Variants in SLC6A4 observed in about 807,000 individuals in gnomAD.
The protein encoded by SLC6A4 is solute carrier family 6 member 4.
Under a neutral mutation model 73.4 loss-of-function variants are expected in SLC6A4, and 22 were observed. The ratio of observed to expected loss-of-function variants is 0.30; its 90% CI spans 0.21 to 0.43. The LOEUF (loss-of-function observed/expected upper bound fraction) is 0.43. SLC6A4 is among the 20% of genes least tolerant of loss of function. The pLI is 1.00. For missense variants in SLC6A4, 593 were observed against 808.5 expected, an observed-to-expected ratio of 0.73 and a Z score of 3.23; for synonymous variants, 270 against 315.5, an observed-to-expected ratio of 0.86 and a Z score of 1.53.
intron 14 of SLC6A4, among the ~76,000 whole-genome samples, chr17:30,199,696 C>T (rs755107386): frequency 6.6e-6 from 1 of 151,988 alleles, no homozygotes; most frequent in Non-Finnish European, 1.5e-5. Context: ...ACTAGAAATC[C>T]GTTTAAAAAG....
chr17:30,220,158 G>A (rs1906701521), intron 3 of SLC6A4, among the ~76,000 whole-genome samples: 1 of 152,194 alleles, frequency 6.6e-6, no homozygotes, highest in African/African-American at 2.4e-5. Flanking sequence ...CTTTAAAAGA[G>A]AGTAAATCCA....
intron 8 of SLC6A4, among the ~76,000 whole-genome samples, chr17:30,215,158 T>C (rs927156078): frequency 1.3e-5 from 2 of 152,026 alleles, no homozygotes; most frequent in African/African-American, 2.4e-5. Context: ...TTCTCGTGCC[T>C]CAGCCTCCCA....
At chr17:30,212,109 A>G (rs1250430374) in intron 9 of SLC6A4, among the ~76,000 whole-genome samples, 1 of 152,150 alleles carries the variant, frequency 6.6e-6, no homozygotes, top group Non-Finnish European at 1.5e-5. Flanking sequence ...TTTTTCCACA[A>G]AAACTTCACG....
At position 30,221,872 on chromosome 17, in the gene SLC6A4, C is replaced by T; in HGVS notation, c.87G>A (p.Lys29=). ...EDCQENGVLQ[K]VVPTPGDKVE... is the part of the protein sequence containing the mutation. Reference sequence around the variant, plus strand: ...CTTTGTCCCCTGGGGTGGGAACAACCTTCTGTAGAACTCCGTTTTCCTGAC... The same window carrying T: ...CTTTGTCCCCTGGGGTGGGAACAACTTTCTGTAGAACTCCGTTTTCCTGAC... The change falls in exon 3 of 15, where the codon AAG becomes AAA. Residue 29 remains lysine, a synonymous_variant. Transcript: ENST00000650711. 1 of 1,614,180 alleles carries T rather than the reference C, an allele frequency of 6.2e-7. No individual in the cohort carries two copies. Among genetic ancestry groups the T allele is most frequent in the African/African-American group, 1.3e-5 (1 of 75,024 alleles).
At chr17:30,222,567 G>T (rs1377221481) in intron 2 of SLC6A4, among the ~76,000 whole-genome samples, 2 of 152,156 alleles carry the variant, frequency 1.3e-5, no homozygotes, top group African/African-American at 4.8e-5. Context: ...CACACCCAAA[G>T]TTATATTTTA....
In SLC6A4 at chr17:30,194,399, A is replaced by T. The variant is rs1905788264; in HGVS notation, c.*4057T>A. 1 of 152,126 alleles carries T rather than the reference A, an allele frequency of 6.6e-6. No homozygotes were observed. The highest frequency in any genetic ancestry group is 1.5e-5 in the Non-Finnish European group (1 of 68,008). The allele number at this position is 152,126 out of a possible 1,614,324, so 9.4% of individuals were successfully genotyped here. On this transcript the variant is annotated 3_prime_UTR_variant, in exon 15 of 15. Transcript: ENST00000650711. ...ACACTGCATAAATGAATACAAGGGC[A>T]CTGTATGAATTTTAGAAAGGGGACT...
chr17:30,220,971 C>CTTTTTT (rs776589435), intron 3 of SLC6A4, among the ~76,000 whole-genome samples: 7 of 113,630 alleles, frequency 6.2e-5, no homozygotes, highest in Non-Finnish European at 1.0e-4. Context: ...GGAGATTTGA[C>CTTTTTT]TTTTTTTTTT....
In SLC6A4 at chr17:30,230,130, AG is replaced by A. The variant is rs1567824247; in HGVS notation, c.-221+5482del. ...GAGGAAGAGGAAGAGGAAGAGGAGG[AG>A]GAGGAGGAGGAGGAGGAGGAAGAGG... On this transcript the variant is annotated intron_variant, in intron 1 of 14. Coordinates refer to ENST00000650711, the MANE Select transcript of SLC6A4 (RefSeq NM_001045.6). Among the ~76,000 whole-genome samples the A allele has an allele frequency of 7.1e-3, 1,059 of 149,810 alleles. 25 individuals carry two copies. Among genetic ancestry groups the A allele is most frequent in the African/African-American group, 0.025 (1,001 of 39,496 alleles).
At chr17:30,217,424 G>A in intron 5 of SLC6A4, 120 bp from the exon 6 acceptor site, 1 of 958,288 alleles carries the variant, frequency 1.0e-6, no homozygotes, top group South Asian at 1.7e-5. Context: ...AGGACCAAGT[G>A]GTCACTGAGG....
chr17:30,221,986 T>A lies in SLC6A4; in HGVS notation c.-28A>T. On this transcript the variant is annotated 5_prime_UTR_variant, in exon 3 of 15. Coordinates refer to ENST00000650711, the MANE Select transcript of SLC6A4 (RefSeq NM_001045.6). ...TGCTGGTTAGTAAATGACACTGATG[T>A]CCATCTGCCAAGGATCCCAATTGAT... 6.2e-7 allele frequency: 1 copy of A among 1,613,800 alleles called. No homozygotes were observed. The highest frequency in any genetic ancestry group is 1.1e-5 in the South Asian group (1 of 91,060).
At chr17:30,230,532 G>T (rs534653470) in intron 1 of SLC6A4, among the ~76,000 whole-genome samples, 3 of 152,182 alleles carry the variant, frequency 2.0e-5, no homozygotes, top group Non-Finnish European at 4.4e-5. Flanking sequence ...ACCCAAAACA[G>T]AGAGAAGAGA....
At chr17:30,206,717 T>C (rs7217065) in intron 13 of SLC6A4, among the ~76,000 whole-genome samples, 42 of 33,014 alleles carry the variant, frequency 1.3e-3, no homozygotes, top group African/African-American at 5.9e-3. Flanking sequence ...CTTTTCTTTT[T>C]TTTTTTTTTT....
intron 1 of SLC6A4, among the ~76,000 whole-genome samples, chr17:30,234,351 A>G (rs1473668611): frequency 6.6e-6 from 1 of 152,052 alleles, no homozygotes; most frequent in Non-Finnish European, 1.5e-5. Context: ...TGGGAAAAAG[A>G]AAGAAAGAAA....
chr17:30,198,825 T>C (rs1323320006), intron 14 of SLC6A4, among the ~76,000 whole-genome samples: 1 of 152,100 alleles, frequency 6.6e-6, no homozygotes, highest in Non-Finnish European at 1.5e-5. Context: ...GCCAATAACA[T>C]GCTTTTGAAG....
intron 10 of SLC6A4, among the ~76,000 whole-genome samples, chr17:30,210,883 C>CT (rs1465305623): frequency 2.6e-5 from 4 of 152,166 alleles, no homozygotes; most frequent in African/African-American, 9.7e-5. Context: ...GTGGACAGAA[C>CT]TTCAATATAT....
Position 30,196,242 on chromosome 17 carries a change from ATAT to A in SLC6A4, c.*2211_*2213del, listed in dbSNP as rs1274662863. 2 of 152,112 alleles carry A rather than the reference ATAT, an allele frequency of 1.3e-5. No individual in the cohort carries two copies. The highest frequency in any genetic ancestry group is 3.9e-4 in the East Asian group (2 of 5,186). The allele number at this position is 152,112 out of a possible 1,614,324, so 9.4% of individuals were successfully genotyped here. ...CATATAGATATAAAAGGTCTTTAAA[ATAT>A]TATTTTAAAATCCACCTACCTACTC... On this transcript the variant is annotated 3_prime_UTR_variant, in exon 15 of 15. Transcript: ENST00000650711.
At chr17:30,223,433 A>T (rs1383949835) in intron 1 of SLC6A4, among the ~76,000 whole-genome samples, 1 of 152,210 alleles carries the variant, frequency 6.6e-6, no homozygotes, top group East Asian at 1.9e-4. Context: ...CTACCTACAC[A>T]TGTGAAGACA....
At position 30,231,580 on chromosome 17, in the gene SLC6A4, C is replaced by T. The variant is rs562232613; in HGVS notation, c.-221+4033G>A. Among the ~76,000 whole-genome samples, 6 of 151,938 alleles carry T rather than the reference C, an allele frequency of 3.9e-5. No individual in the cohort carries two copies. The East Asian group carries it at 9.7e-4, about 24-fold the overall frequency. ...CATAATATATCAAATCATATATATA[C>T]TGCATATGCAAAAATTAGATATATG... is the stretch of plus-strand genomic sequence containing the variant. On this transcript the variant is annotated intron_variant, in intron 1 of 14. Transcript: ENST00000650711.
At chr17:30,218,484 G>T (rs964220737) in intron 4 of SLC6A4, 147 bp from the exon 5 acceptor site, 5 of 668,458 alleles carry the variant, frequency 7.5e-6, no homozygotes, top group Non-Finnish European at 1.0e-5. Context: ...AGGACTCCAG[G>T]CCACCGTGGG....
Sources: allele counts gnomAD v4.1 joint callset (sites outside exome capture counted in the v4.1 genomes callset), GRCh38; gene constraint gnomAD v4.1.1; transcripts MANE v1.5; gene names NCBI Gene and HGNC (gene_info 2026-07-23, HGNC 2026-07-21).